The following TMEM161B variants were observed in gnomAD, a reference collection of about 807,000 sequenced individuals.
The protein encoded by TMEM161B is transmembrane protein 161B.
A neutral mutation model predicts 61.8 loss-of-function variants in TMEM161B; 34 were observed. The ratio of observed to expected loss-of-function variants is 0.55; its 90% CI spans 0.42 to 0.73. The LOEUF (loss-of-function observed/expected upper bound fraction) is 0.73, where lower values mean the gene tolerates loss of function less well. TMEM161B is among the 30% of genes least tolerant of loss of function. The pLI is 0.00. For missense variants in TMEM161B, 456 were observed against 558.5 expected (o/e 0.82, Z 1.85); for synonymous variants, 167 against 192.8 (o/e 0.87, Z 1.11).
chr5:88,231,927 A>C (rs1751054977), intron 2 of TMEM161B, among the ~76,000 whole-genome samples: 2 of 152,190 alleles, frequency 1.3e-5, no homozygotes, highest in Admixed American at 1.3e-4. Flanking sequence ...ACTAACATTG[A>C]ATTCACAGCC....
intron 2 of TMEM161B, among the ~76,000 whole-genome samples, chr5:88,235,275 G>A (rs1215543940): frequency 6.6e-6 from 1 of 152,128 alleles, no homozygotes; most frequent in Non-Finnish European, 1.5e-5. Context: ...CTAAATGTGA[G>A]CAAACACAGA....
intron 1 of TMEM161B, among the ~76,000 whole-genome samples, chr5:88,263,712 A>C (rs1387018351): frequency 6.6e-6 from 1 of 152,222 alleles, no homozygotes; most frequent in Admixed American, 6.5e-5. Flanking sequence ...TCTGAAATCA[A>C]CTTAATGCAC....
intron 2 of TMEM161B, among the ~76,000 whole-genome samples, chr5:88,230,272 A>G (rs1750766798): frequency 6.6e-6 from 1 of 152,172 alleles, no homozygotes; most frequent in Non-Finnish European, 1.5e-5. Context: ...TGATTACATT[A>G]AAAAATTTTA....
chr5:88,242,995 TC>T (rs1218897012), intron 1 of TMEM161B, among the ~76,000 whole-genome samples: 1 of 151,684 alleles, frequency 6.6e-6, no homozygotes, highest in Non-Finnish European at 1.5e-5. Flanking sequence ...TAGTAAAAGA[TC>T]AATTGCCTAA....
rs1177324983 is a variant in TMEM161B, at chr5:88,199,047, A to C, written c.1018T>G (p.Leu340Val). The C allele has an allele frequency of 5.6e-6, 9 of 1,612,988 alleles. No individual in the cohort carries two copies. Among genetic ancestry groups the C allele is most frequent in the Non-Finnish European group, 7.6e-6 (9 of 1,179,464 alleles). The change falls in exon 10 of 12, where the codon TTA becomes GTA. Residue 340 changes from leucine (L) to valine (V), a missense_variant. Leu to Val is a conservative substitution (Grantham distance 32). Transcript: ENST00000296595. ...MRSHLQAYLNLAQKCVDQMKK... is the reference protein window; with the variant it reads ...MRSHLQAYLNVAQKCVDQMKK... ...ATCTGATCCACACATTTTTGGGCTA[A>C]ATTTAAATAAGCTTGCAGGTGACTA...
At chr5:88,230,573 C>T (rs775861700) in intron 2 of TMEM161B, among the ~76,000 whole-genome samples, 1 of 152,106 alleles carries the variant, frequency 6.6e-6, no homozygotes, top group Non-Finnish European at 1.5e-5. Context: ...TCAACCATTC[C>T]CATTTGAAGG....
chr5:88,202,029 T>C, intron 9 of TMEM161B: 3 of 423,660 alleles, frequency 7.1e-6, no homozygotes, highest in South Asian at 5.1e-5. Context: ...AAAGAACATT[T>C]ATTAAGCACT....
intron 3 of TMEM161B, among the ~76,000 whole-genome samples, chr5:88,226,804 A>G (rs969963496): frequency 5.9e-5 from 9 of 152,210 alleles, no homozygotes; most frequent in Non-Finnish European, 1.2e-4. Context: ...GAACAGAATT[A>G]TTCATTACAA....
Position 88,195,149 on chromosome 5 carries a change from C to G in TMEM161B, c.*1062G>C, listed in dbSNP as rs1290253899. ...TAATTTGGGAGAAACCATTAAGCGT[C>G]CATAAAACTTTAAATACACTCACAC... On this transcript the variant is annotated 3_prime_UTR_variant, in exon 12 of 12. Coordinates refer to ENST00000296595, the MANE Select transcript of TMEM161B (RefSeq NM_153354.5). 1.0e-6 allele frequency: 1 copy of G among 985,076 alleles called. No individual in the cohort carries two copies. Among genetic ancestry groups the G allele is most frequent in the Non-Finnish European group, 1.2e-6 (1 of 829,576 alleles). 61.0% of individuals were successfully genotyped at this position (985,076 alleles called of 1,614,324 possible).
intron 2 of TMEM161B, among the ~76,000 whole-genome samples, chr5:88,237,552 T>C (rs1350615770): frequency 6.6e-6 from 1 of 152,002 alleles, no homozygotes; most frequent in East Asian, 1.9e-4. Flanking sequence ...CTGAGAAACT[T>C]CCATTAATTT....
intron 8 of TMEM161B, among the ~76,000 whole-genome samples, chr5:88,204,963 T>C (rs1561315434): frequency 1.3e-5 from 2 of 151,934 alleles, no homozygotes; most frequent in East Asian, 3.9e-4. Flanking sequence ...AGAATAGAAA[T>C]GTTAGGAAAT....
rs780468883 is a variant in TMEM161B at position 88,240,883 on chromosome 5, C to T, written c.37G>A (p.Val13Met). The change falls in exon 2 of 12, where the codon GTG (valine) becomes ATG (methionine). Residue 13 changes from valine (V) to methionine (M), a missense_variant. By Grantham distance (21) the Val-to-Met change is conservative. This residue lies in a region of TMEM161B where 85 missense variants were observed against 111.2 expected (regional missense o/e 0.76). Coordinates refer to ENST00000296595, the MANE Select transcript of TMEM161B (RefSeq NM_153354.5). ...VIGIQLVVTM[V>M]MASVMQKIIP... ...ATCTTCTGCATGACACTGGCCATCA[C>T]CATGGTAACAACCAGCTGTATACCT... 1.2e-6 allele frequency: 2 copies of T among 1,610,326 alleles called. No homozygotes were observed. Among genetic ancestry groups the T allele is most frequent in the South Asian group, 1.1e-5 (1 of 90,768 alleles).
At chr5:88,255,368 G>C (rs1754842101) in intron 1 of TMEM161B, among the ~76,000 whole-genome samples, 1 of 152,116 alleles carries the variant, frequency 6.6e-6, no homozygotes, top group South Asian at 2.1e-4. Flanking sequence ...AGCGCTTACA[G>C]ACACAGTAAA....
rs763059487 is a variant in TMEM161B at position 88,199,004 on chromosome 5, C to T, written c.1061G>A (p.Arg354Gln). The T allele has an allele frequency of 1.4e-5, 22 of 1,611,420 alleles. 1 individual carries two copies. The highest frequency in any genetic ancestry group is 2.7e-5 in the African/African-American group (2 of 74,434). The stretch of plus-strand genomic sequence containing the variant: ...TTTCTGTAGCTCAACCGTGCTTATT[C>T]GCCCCGCTTCTTTCTTCATCTGATC... ...CVDQMKKEAG[R>Q]ISTVELQKMV... Residue 354 changes from arginine (R) to glutamine (Q), a missense_variant, in exon 10 of 12, where the codon CGA (arginine) becomes CAA (glutamine). Arg to Gln is a conservative substitution (Grantham distance 43). Transcript: ENST00000296595.
chr5:88,206,508 G>GTAA lies in TMEM161B; in HGVS notation c.599-10_599-9insTTA. 52 of 1,307,616 alleles carry GTAA rather than the reference G, an allele frequency of 4.0e-5. No individual in the cohort carries two copies. The highest frequency in any genetic ancestry group is 4.7e-5 in the Non-Finnish European group (45 of 962,512). The allele number at this position is 1,307,616 out of a possible 1,614,324, so 81.0% of individuals were successfully genotyped here. A position where few individuals can be genotyped will look rare whatever the true frequency, so the allele number is the denominator to read the frequency against. On this transcript the variant is annotated splice_polypyrimidine_tract_variant and intron_variant, in intron 6 of 11. Transcript: ENST00000296595. ...TGAAAAATTTGTAAACCCTGTGGGG[G>GTAA]AAAAAAAAAAAAACAACAGATTACT...
At chr5:88,265,315 G>T (rs756784735) in intron 1 of TMEM161B, among the ~76,000 whole-genome samples, 1 of 152,138 alleles carries the variant, frequency 6.6e-6, no homozygotes, top group Non-Finnish European at 1.5e-5. Context: ...CATGGAAGAC[G>T]ATTTTTTCAC....
At chr5:88,261,424 A>G (rs1002596837) in intron 1 of TMEM161B, among the ~76,000 whole-genome samples, 1 of 152,080 alleles carries the variant, frequency 6.6e-6, no homozygotes, top group Non-Finnish European at 1.5e-5. Context: ...AAAAGAAAAG[A>G]AAGAAATGTT....
rs182530424 is a variant in TMEM161B, at chr5:88,240,746, G to A, written c.107+67C>T. 136 of 1,189,376 alleles carry A rather than the reference G, an allele frequency of 1.1e-4. No individual in the cohort carries two copies. In the African/African-American group the frequency reaches 1.7e-3, roughly 15 times the overall value. 73.7% of individuals were successfully genotyped at this position (1,189,376 alleles called of 1,614,324 possible). ...TTAAAGTTTTAGAAACAGTAACTAGGAATTTAATCAGTTTGGTAAACTAGA... is the reference window on the plus strand; with the variant it reads ...TTAAAGTTTTAGAAACAGTAACTAGAAATTTAATCAGTTTGGTAAACTAGA... On this transcript the variant is annotated intron_variant, in intron 2 of 11. Coordinates refer to ENST00000296595, the MANE Select transcript of TMEM161B (RefSeq NM_153354.5).
chr5:88,241,815 G>A (rs547090873), intron 1 of TMEM161B, among the ~76,000 whole-genome samples: 1 of 151,690 alleles, frequency 6.6e-6, no homozygotes, highest in Non-Finnish European at 1.5e-5. Context: ...CTCTCCACTC[G>A]GTAGAGGACA....
Sources: gnomAD v4.1 joint callset for allele counts (sites outside exome capture counted in the v4.1 genomes callset) on GRCh38, gnomAD v4.1.1 for gene constraint, gnomAD v4.1.1 regional missense constraint, MANE v1.5 for transcripts, NCBI Gene and HGNC (gene_info 2026-07-23, HGNC 2026-07-21) for gene names.